SEPTIN2: variants seen among roughly 807,000 people sequenced by gnomAD.
The protein encoded by SEPTIN2 is septin-2.
SEPTIN2 carries 34 observed loss-of-function variants against 46.5 expected under a neutral mutation model. That is an observed-to-expected ratio of 0.73 (90% confidence interval 0.56 to 0.97). The LOEUF (loss-of-function observed/expected upper bound fraction) is 0.97. Among genes scored for constraint, SEPTIN2 ranks in the 50% least tolerant of loss-of-function variants. The probability of loss-of-function intolerance (pLI) is 0.00; values close to 1 mark genes in which losing one functional copy is unlikely to be tolerated. For synonymous variants in SEPTIN2, 175 were observed against 153.4 expected, an observed-to-expected ratio of 1.14 and a Z score of -1.04; for missense variants, 347 against 448.4, an observed-to-expected ratio of 0.77 and a Z score of 2.04.
Position 241,350,180 on chromosome 2 carries a change from T to A in SEPTIN2, c.*6T>A. On this transcript the variant is annotated 3_prime_UTR_variant, in exon 12 of 13. Coordinates refer to ENST00000391971, the MANE Select transcript of SEPTIN2 (RefSeq NM_004404.5). ...CTCTCGGGCACCACGTGTAAGGTGA[T>A]GTGCACATATCAAGAAGTCAGAGGT... The A allele has an allele frequency of 6.2e-7, 1 of 1,605,082 alleles. No homozygotes were observed. The highest frequency in any genetic ancestry group is 8.5e-7 in the Non-Finnish European group (1 of 1,175,934).
chr2:241,331,116 T>C (rs1347267747), intron 3 of SEPTIN2, among the ~76,000 whole-genome samples: 2 of 149,978 alleles, frequency 1.3e-5, no homozygotes, highest in African/African-American at 4.9e-5. Context: ...GAGGGGGAGG[T>C]TTCAGTGAGC....
chr2:241,335,772 C>T, intron 4 of SEPTIN2: 1 of 616,380 alleles, frequency 1.6e-6, no homozygotes, highest in Non-Finnish European at 2.9e-6. Context: ...GTGTTTTTAA[C>T]CTTCCCCAGT....
At chr2:241,341,068 C>T (rs2150123641) in intron 7 of SEPTIN2, among the ~76,000 whole-genome samples, 1 of 152,336 alleles carries the variant, frequency 6.6e-6, no homozygotes. Context: ...AACTTCCCTT[C>T]CTTGGCTGCT....
At chr2:241,338,488 G>A (rs1159795623) in intron 7 of SEPTIN2, among the ~76,000 whole-genome samples, 1 of 149,796 alleles carries the variant, frequency 6.7e-6, no homozygotes, top group African/African-American at 2.5e-5. Flanking sequence ...AGTTGCTGGG[G>A]CAGGGTAGGG....
intron 3 of SEPTIN2, among the ~76,000 whole-genome samples, chr2:241,326,753 G>A (rs2078041546): frequency 6.6e-6 from 1 of 152,196 alleles, no homozygotes; most frequent in African/African-American, 2.4e-5. Flanking sequence ...ACCAAGTAAG[G>A]AACCAAGGCC....
At position 241,352,480 on chromosome 2, in the gene SEPTIN2, G is replaced by A. The variant is rs543338295; in HGVS notation, c.*543G>A. 16 of 152,572 alleles carry A rather than the reference G, an allele frequency of 1.0e-4. No homozygotes were observed. The highest frequency in any genetic ancestry group is 2.1e-4 in the Non-Finnish European group (14 of 68,032). The allele number at this position is 152,572 out of a possible 1,614,324, so 9.5% of individuals were successfully genotyped here. A position where few individuals can be genotyped will look rare whatever the true frequency, so the allele number is the denominator to read the frequency against. On this transcript the variant is annotated 3_prime_UTR_variant, in exon 13 of 13. Transcript: ENST00000391971. ...GTACACAACACCTAAAACCAGTTTT[G>A]CTGCTATAATTCTATACTGTTGATT... is the stretch of plus-strand genomic sequence containing the variant.
intron 1 of SEPTIN2, among the ~76,000 whole-genome samples, chr2:241,323,347 T>C (rs1477648981): frequency 2.6e-5 from 4 of 151,984 alleles, no homozygotes; most frequent in Non-Finnish European, 5.9e-5. Context: ...AATCAGTATT[T>C]TTAGTAGAGA....
At chr2:241,339,525 T>C (rs1038027283) in intron 7 of SEPTIN2, among the ~76,000 whole-genome samples, 4 of 152,178 alleles carry the variant, frequency 2.6e-5, no homozygotes, top group Non-Finnish European at 4.4e-5. Flanking sequence ...TTAAAAATAT[T>C]TGGAAGCATC....
intron 1 of SEPTIN2, among the ~76,000 whole-genome samples, chr2:241,319,733 G>A (rs1416273762): frequency 5.3e-5 from 8 of 151,922 alleles, no homozygotes; most frequent in East Asian, 1.9e-4. Context: ...CTGGGATTAC[G>A]GGTGCCCGCC....
chr2:241,324,430 C>T, intron 2 of SEPTIN2, 189 bp downstream of exon 2: 1 of 545,456 alleles, frequency 1.8e-6, no homozygotes, highest in Non-Finnish European at 3.3e-6. Context: ...GTTCTGTCAC[C>T]AGGCTGGAGT....
At chr2:241,340,840 C>T (rs1248774052) in intron 7 of SEPTIN2, among the ~76,000 whole-genome samples, 1 of 152,208 alleles carries the variant, frequency 6.6e-6, no homozygotes, top group South Asian at 2.1e-4. Flanking sequence ...ACAAGAACCT[C>T]TTGCCTCCTG....
At chr2:241,338,981 AATAT>A (rs1445618362) in intron 7 of SEPTIN2, among the ~76,000 whole-genome samples, 1 of 110,204 alleles carries the variant, frequency 9.1e-6, no homozygotes, top group East Asian at 2.4e-4. Flanking sequence ...ATAATATATA[AATAT>A]ATTTATAAAT....
chr2:241,334,798 G>T (rs2079645238), intron 3 of SEPTIN2, among the ~76,000 whole-genome samples: 1 of 152,172 alleles, frequency 6.6e-6, no homozygotes, highest in Admixed American at 6.5e-5. Flanking sequence ...CATTCTATTT[G>T]TCAAAAATAA....
At chr2:241,325,965 A>T (rs1285875235) in intron 2 of SEPTIN2, 28 bp from the exon 3 acceptor site, 3 of 1,601,104 alleles carry the variant, frequency 1.9e-6, no homozygotes, top group East Asian at 2.2e-5. Flanking sequence ...GGTGTTTATT[A>T]GTTTGTTTGT....
In SEPTIN2 at chr2:241,328,985, A is replaced by G. The variant is rs530100132; in HGVS notation, c.130+2872A>G. 2.0e-5 allele frequency among the ~76,000 whole-genome samples: 3 copies of G among 152,104 alleles called. No individual in the cohort carries two copies. In the East Asian group the frequency reaches 5.8e-4, roughly 30 times the overall value. On this transcript the variant is annotated intron_variant, in intron 3 of 12. Coordinates refer to ENST00000391971, the MANE Select transcript of SEPTIN2 (RefSeq NM_004404.5). Reference sequence around the variant, plus strand: ...CGGTGAGCCGAGATCGCGCCATTGCACTCCAGCCTGGGCAACAAGAGTGAA... The same window carrying G: ...CGGTGAGCCGAGATCGCGCCATTGCGCTCCAGCCTGGGCAACAAGAGTGAA...
At chr2:241,332,290 T>C (rs1453663675) in intron 3 of SEPTIN2, among the ~76,000 whole-genome samples, 1 of 152,226 alleles carries the variant, frequency 6.6e-6, no homozygotes, top group Non-Finnish European at 1.5e-5. Context: ...ACAAAGGATA[T>C]GTGTCCAGAA....
chr2:241,325,573 A>C (rs1253476373), intron 2 of SEPTIN2, among the ~76,000 whole-genome samples: 1 of 152,164 alleles, frequency 6.6e-6, no homozygotes, highest in East Asian at 1.9e-4. Context: ...TCTTTAGCCA[A>C]GTTTGTTGAA....
At chr2:241,342,629 G>A (rs556382679) in intron 7 of SEPTIN2, among the ~76,000 whole-genome samples, 3 of 139,048 alleles carry the variant, frequency 2.2e-5, no homozygotes, top group South Asian at 2.3e-4. Context: ...TCCGCCTCCC[G>A]GGTTCACGCC....
At chr2:241,340,678 CCTG>C (rs1374673264) in intron 7 of SEPTIN2, among the ~76,000 whole-genome samples, 8 of 152,166 alleles carry the variant, frequency 5.3e-5, no homozygotes, top group African/African-American at 1.9e-4. Context: ...AATCTCTAAT[CCTG>C]TATGCGAAAC....
Sources: allele counts gnomAD v4.1 joint callset (sites outside exome capture counted in the v4.1 genomes callset), GRCh38; gene constraint gnomAD v4.1.1; transcripts MANE v1.5; gene names NCBI Gene and HGNC (gene_info 2026-07-23, HGNC 2026-07-21).